PPP2R5C: variants seen among roughly 807,000 people sequenced by gnomAD.
The protein encoded by PPP2R5C is protein phosphatase 2 regulatory subunit B'gamma, also known as serine/threonine-protein phosphatase 2A 56 kDa regulatory subunit gamma isoform.
A neutral mutation model predicts 68.9 loss-of-function variants in PPP2R5C; 7 were observed. That is an observed-to-expected ratio of 0.10 (90% CI 0.06 to 0.19). The LOEUF (loss-of-function observed/expected upper bound fraction) is 0.19. Ranked by LOEUF, PPP2R5C falls within the 10% of genes least tolerant of loss-of-function variation. The probability of loss-of-function intolerance (pLI) is 1.00; values close to 1 mark genes in which losing one functional copy is unlikely to be tolerated. For synonymous variants in PPP2R5C, 210 were observed against 222.2 expected (o/e 0.95, Z 0.49); for missense variants, 348 against 641.3 (o/e 0.54, Z 4.94).
At chr14:101,869,468 G>T (rs1286037663) in intron 2 of PPP2R5C, among the ~76,000 whole-genome samples, 1 of 152,056 alleles carries the variant, frequency 6.6e-6, no homozygotes, top group Non-Finnish European at 1.5e-5. Flanking sequence ...CTAGGTGAAT[G>T]GTAAGTGTGT....
chr14:101,816,897 T>G (rs2039727779), intron 1 of PPP2R5C, among the ~76,000 whole-genome samples: 1 of 127,202 alleles, frequency 7.9e-6, no homozygotes, highest in East Asian at 2.1e-4. Context: ...ATATATTATA[T>G]AAATATATAT....
chr14:101,796,224 G>A (rs761341837), intron 3 of PPP2R5C, among the ~76,000 whole-genome samples: 21 of 152,168 alleles, frequency 1.4e-4, no homozygotes, highest in Admixed American at 3.9e-4. Context: ...CTTCTTGCCT[G>A]TTAGTTGAAG....
rs1213951768 is a variant in PPP2R5C, at chr14:101,915,778, G to T, written c.1327-2053G>T. Among the ~76,000 whole-genome samples the T allele has an allele frequency of 1.3e-5, 2 of 152,226 alleles. No homozygotes were observed. Among genetic ancestry groups the T allele is most frequent in the African/African-American group, 4.8e-5 (2 of 41,454 alleles). On this transcript the variant is annotated intron_variant, in intron 12 of 13. Coordinates refer to ENST00000334743, the Ensembl canonical transcript of PPP2R5C. The surrounding 1 kb of genome is among the most constrained non-coding windows in gnomAD (Gnocchi z 4.2). Reference sequence around the variant, plus strand: ...AGGGAGCTTACAGTCCATTAGGAGAGGCAGATGAATTCAGCTCAGATGATC... The same window carrying T: ...AGGGAGCTTACAGTCCATTAGGAGATGCAGATGAATTCAGCTCAGATGATC...
chr14:101,869,183 G>C (rs954436409), intron 2 of PPP2R5C, among the ~76,000 whole-genome samples: 2 of 152,178 alleles, frequency 1.3e-5, no homozygotes, highest in African/African-American at 4.8e-5. Flanking sequence ...AAACTCCATA[G>C]AAATGGATTC....
intron 1 of PPP2R5C, among the ~76,000 whole-genome samples, chr14:101,813,534 C>T (rs889123538): frequency 2.6e-5 from 4 of 152,212 alleles, no homozygotes; most frequent in African/African-American, 9.7e-5. Flanking sequence ...CTGGGCCAGC[C>T]GTGATGCTGT....
intron 1 of PPP2R5C, among the ~76,000 whole-genome samples, chr14:101,847,653 T>A (rs2041914825): frequency 6.7e-6 from 1 of 150,094 alleles, no homozygotes; most frequent in South Asian, 2.1e-4. Flanking sequence ...TCCTCATGGT[T>A]GGGGCTGCTC....
At chr14:101,819,720 T>A (rs2140257767) in intron 1 of PPP2R5C, 1 of 152,034 alleles carries the variant, frequency 6.6e-6, no homozygotes, top group African/African-American at 2.4e-5. Context: ...AGCTCGAGCA[T>A]TCCGCCCACC....
intron 2 of PPP2R5C, among the ~76,000 whole-genome samples, chr14:101,763,381 CA>C (rs1444995409): frequency 1.3e-5 from 2 of 148,918 alleles, no homozygotes; most frequent in Non-Finnish European, 3.0e-5. Flanking sequence ...CCACCACACC[CA>C]ACAAATTTTT....
chr14:101,865,603 TC>T (rs1225236218), intron 2 of PPP2R5C, among the ~76,000 whole-genome samples: 1 of 152,200 alleles, frequency 6.6e-6, no homozygotes, highest in Non-Finnish European at 1.5e-5. Context: ...CCAACTTTAA[TC>T]TGCTAACTGT....
intron 8 of PPP2R5C, among the ~76,000 whole-genome samples, chr14:101,900,091 T>C (rs1229914025): frequency 1.3e-5 from 2 of 151,754 alleles, no homozygotes; most frequent in Non-Finnish European, 2.9e-5. Context: ...CTCACCACGG[T>C]GCCCAGGTCG....
In PPP2R5C at chr14:101,797,196, C is replaced by T. The variant is rs2038652049; in HGVS notation, c.259+11013C>T. The T allele has an allele frequency of 2.2e-6, 1 of 455,634 alleles. No individual in the cohort carries two copies. Among genetic ancestry groups the T allele is most frequent in the Non-Finnish European group, 4.4e-6 (1 of 226,452 alleles). 28.2% of individuals were successfully genotyped at this position (455,634 alleles called of 1,614,324 possible). On this transcript the variant is annotated intron_variant, in intron 3 of 14. Coordinates refer to the PPP2R5C transcript ENST00000328724. The surrounding 1 kb of genome is among the most constrained non-coding windows in gnomAD (Gnocchi z 4.2). ...TCTGTGCCTGGCTTATTTCCCTAAA[C>T]ATAATATCTTCCAGGTCCCCCCACA... is the stretch of plus-strand genomic sequence containing the variant.
intron 2 of PPP2R5C, among the ~76,000 whole-genome samples, chr14:101,873,598 A>G (rs1361627296): frequency 6.6e-6 from 1 of 152,134 alleles, no homozygotes; most frequent in Non-Finnish European, 1.5e-5. Flanking sequence ...GGTTCTCACT[A>G]ATCCTTTCAG....
chr14:101,815,734 A>G (rs1241989559), intron 1 of PPP2R5C, among the ~76,000 whole-genome samples: 2 of 152,106 alleles, frequency 1.3e-5, no homozygotes, highest in Non-Finnish European at 2.9e-5. Flanking sequence ...CAGTGGCGTG[A>G]TCTCGGCTCA....
At chr14:101,924,804 T>C (rs918642141) in intron 13 of PPP2R5C, among the ~76,000 whole-genome samples, 1 of 152,122 alleles carries the variant, frequency 6.6e-6, no homozygotes. Flanking sequence ...TTTAATGACA[T>C]TTATGAAATA....
chr14:101,816,879 TATTA>T (rs1284471128), intron 1 of PPP2R5C, among the ~76,000 whole-genome samples: 3 of 136,356 alleles, frequency 2.2e-5, no homozygotes, highest in African/African-American at 8.6e-5. Flanking sequence ...TTTATATATA[TATTA>T]TATATATATT....
At chr14:101,893,760 TAAA>T (rs781191437) in intron 7 of PPP2R5C, among the ~76,000 whole-genome samples, 63 of 152,200 alleles carry the variant, frequency 4.1e-4, no homozygotes, top group Non-Finnish European at 7.8e-4. Context: ...CAAAAATAAA[TAAA>T]TAAATGAATG....
chr14:101,764,002 A>G (rs2036706807), intron 2 of PPP2R5C, among the ~76,000 whole-genome samples: 1 of 142,656 alleles, frequency 7.0e-6, no homozygotes, highest in South Asian at 2.2e-4. Flanking sequence ...TATTGTTCAC[A>G]TTGTGTGTGT....
intron 2 of PPP2R5C, among the ~76,000 whole-genome samples, chr14:101,868,312 C>T (rs1195691839): frequency 6.6e-6 from 1 of 151,918 alleles, no homozygotes; most frequent in East Asian, 2.0e-4. Context: ...TTTGTTCTTA[C>T]GATTTTGAGA....
intron 8 of PPP2R5C, among the ~76,000 whole-genome samples, chr14:101,898,172 T>G (rs1238606943): frequency 6.6e-6 from 1 of 152,054 alleles, no homozygotes; most frequent in Non-Finnish European, 1.5e-5. Context: ...AATAAATAAG[T>G]AAATACAAAT....
Sources: allele counts gnomAD v4.1 joint callset (sites outside exome capture counted in the v4.1 genomes callset), GRCh38; gene constraint gnomAD v4.1.1; non-coding constraint Gnocchi (gnomAD v3.1); transcripts MANE v1.5; gene names NCBI Gene and HGNC (gene_info 2026-07-23, HGNC 2026-07-21).